The following RGS5 variants were observed in gnomAD, a reference collection of about 807,000 sequenced individuals.
RGS5 encodes regulator of G protein signaling 5, also known as regulator of G-protein signalling 5.
A neutral mutation model predicts 18.9 loss-of-function variants in RGS5; 20 were observed. The ratio of observed to expected loss-of-function variants is 1.06; its 90% CI spans 0.74 to 1.54. The LOEUF (loss-of-function observed/expected upper bound fraction) is 1.54. Ranked by LOEUF, RGS5 falls within the 40% of genes most tolerant of loss-of-function variation. The pLI is 0.00. For synonymous variants in RGS5, 57 were observed against 76.2 expected (o/e 0.75, Z 1.31); for missense variants, 201 against 211.8 (o/e 0.95, Z 0.32).
chr1:163,186,224 C>A (rs1659066985), intron 1 of RGS5, among the ~76,000 whole-genome samples: 1 of 151,742 alleles, frequency 6.6e-6, no homozygotes, highest in African/African-American at 2.4e-5. Context: ...GTGCCCACCA[C>A]CACGCCTGGC....
chr1:163,221,317 G>C (rs1233578649), upstream of RGS5, among the ~76,000 whole-genome samples: 1 of 152,098 alleles, frequency 6.6e-6, no homozygotes, highest in Admixed American at 6.5e-5. Flanking sequence ...GGCCAACGTG[G>C]TGAAACTCCA....
chr1:163,211,006 G>C (rs1660090836), intron 1 of RGS5: 1 of 152,202 alleles, frequency 6.6e-6, no homozygotes, highest in Non-Finnish European at 1.5e-5. Flanking sequence ...CTCAAGCTAA[G>C]AGCATTTAGG....
intron 1 of RGS5, among the ~76,000 whole-genome samples, chr1:163,198,918 C>T (rs1338997881): frequency 6.6e-6 from 1 of 152,204 alleles, no homozygotes; most frequent in East Asian, 1.9e-4. Context: ...GATCCTCCCA[C>T]CTTGGCCTCC....
chr1:163,183,561 A>G (rs1445010399), intron 1 of RGS5, among the ~76,000 whole-genome samples: 1 of 152,236 alleles, frequency 6.6e-6, no homozygotes, highest in Non-Finnish European at 1.5e-5. Context: ...TATGGAGTGC[A>G]TTTTCTGTCC....
At chr1:163,291,467 G>A (rs529082856) in intron 2 of RGS5, among the ~76,000 whole-genome samples, 1 of 152,186 alleles carries the variant, frequency 6.6e-6, no homozygotes, top group Non-Finnish European at 1.5e-5. Context: ...GGAAGGGAGA[G>A]GAGCCAGAAT....
Position 163,283,156 on chromosome 1 carries a change from G to A in RGS5, c.-281+23077C>T, listed in dbSNP as rs11801426. Among the ~76,000 whole-genome samples the A allele has an allele frequency of 4.8e-3, 729 of 152,208 alleles. 4 individuals are homozygous for A. Among genetic ancestry groups the A allele is most frequent in the Admixed American group, 8.1e-3 (123 of 15,278 alleles). On this transcript the variant is annotated intron_variant, in intron 2 of 5. Coordinates refer to the RGS5 transcript ENST00000618415. ...GGAAAATGGGGAGAAAGGAAAGGGGGAGGTTGGTTAATGGCTAACAAGTTA... is the reference window on the plus strand; with the variant it reads ...GGAAAATGGGGAGAAAGGAAAGGGGAAGGTTGGTTAATGGCTAACAAGTTA...
intron 1 of RGS5, among the ~76,000 whole-genome samples, chr1:163,185,674 T>A (rs1659040596): frequency 1.3e-5 from 2 of 152,304 alleles, no homozygotes; most frequent in South Asian, 4.1e-4. Flanking sequence ...CTGTTCTAGA[T>A]CCTTTCTGAG....
rs41272013 is a variant in RGS5 at position 163,305,332 on chromosome 1, C to T, written c.-281+901G>A. ...GTGGTCTCTGTAAGGACAGAGTGCTCACTTTCAGAAGTGTCTAGTCATCCT... is the reference window on the plus strand; with the variant it reads ...GTGGTCTCTGTAAGGACAGAGTGCTTACTTTCAGAAGTGTCTAGTCATCCT... On this transcript the variant is annotated intron_variant, in intron 2 of 5. Coordinates refer to the RGS5 transcript ENST00000618415. The T allele has an allele frequency of 7.3e-3, 1,114 of 152,482 alleles. 9 individuals are homozygous for T. Among genetic ancestry groups the T allele is most frequent in the Non-Finnish European group, 0.012 (785 of 68,134 alleles). 9.4% of individuals were successfully genotyped at this position (152,482 alleles called of 1,614,324 possible).
chr1:163,223,661 A>C (rs1023280693), intron 2 of RGS5, among the ~76,000 whole-genome samples: 1 of 152,206 alleles, frequency 6.6e-6, no homozygotes, highest in South Asian at 2.1e-4. Flanking sequence ...ACTTCCAGCT[A>C]TACTCTAGAG....
chr1:163,150,463 A>T (rs1336405745), intron 4 of RGS5, among the ~76,000 whole-genome samples: 2 of 152,126 alleles, frequency 1.3e-5, no homozygotes, highest in African/African-American at 4.8e-5. Flanking sequence ...AATCCTTTGA[A>T]ATGGGGAAAT....
In RGS5 at chr1:163,168,334, G is replaced by A; in HGVS notation, c.79C>T (p.Leu27Phe). ...KEIKIKLGIL[L>F]QKPDSVGDLV... is the part of the protein sequence containing the mutation. ...TCACCAACTGAGTCTGGCTTCTGGA[G>A]GAGAATTCCCAACTTGATCTTAATC... Residue 27 changes from leucine (L) to phenylalanine (F), a missense_variant, in exon 2 of 5, where the codon CTC becomes TTC. Coordinates refer to ENST00000313961, the MANE Select transcript of RGS5 (RefSeq NM_003617.4). 1 of 1,613,828 alleles carries A rather than the reference G, an allele frequency of 6.2e-7. No individual in the cohort carries two copies. The highest frequency in any genetic ancestry group is 1.3e-5 in the African/African-American group (1 of 74,998).
rs1234982716 is a variant in RGS5, at chr1:163,180,696, T to TG, written c.45-12329_45-12328insC. ...TAAAGCCCTTACCCTGTTTTTTTTT[T>TG]TTTTTTTTTTTTTTTTGAGACGGAG... On this transcript the variant is annotated intron_variant, in intron 1 of 4. Transcript: ENST00000313961. Among the ~76,000 whole-genome samples, 169 of 125,334 alleles carry TG rather than the reference T, an allele frequency of 1.3e-3. 3 individuals are homozygous for TG. Among genetic ancestry groups the TG allele is most frequent in the African/African-American group, 5.2e-3 (161 of 30,714 alleles). 82.2% of individuals were successfully genotyped at this position (125,334 alleles called of 152,430 possible).
chr1:163,257,568 CT>C (rs1302634370), intron 2 of RGS5, among the ~76,000 whole-genome samples: 1 of 152,050 alleles, frequency 6.6e-6, no homozygotes, highest in African/African-American at 2.4e-5. Context: ...GTTTTATGTT[CT>C]CTTTTGTATC....
In RGS5 at chr1:163,276,057, C is replaced by T. The variant is rs190075369; in HGVS notation, c.-281+30176G>A. 7.9e-5 allele frequency among the ~76,000 whole-genome samples: 12 copies of T among 152,072 alleles called. 1 individual carries two copies. Among genetic ancestry groups the T allele is most frequent in the South Asian group, 4.2e-4 (2 of 4,814 alleles). On this transcript the variant is annotated intron_variant, in intron 2 of 5. Coordinates refer to the RGS5 transcript ENST00000618415. ...TTGCCCAAGCTGGAGTACAATGGCG[C>T]GATCTTGGCTCACTGCAACCTTCAC... is the stretch of plus-strand genomic sequence containing the variant.
chr1:163,222,062 T>C (rs1647238629), upstream of RGS5, among the ~76,000 whole-genome samples: 1 of 152,184 alleles, frequency 6.6e-6, no homozygotes, highest in African/African-American at 2.4e-5. Flanking sequence ...TTTCAATTTT[T>C]TATTCAGGAA....
At chr1:163,154,719 T>C (rs1657516333) in intron 3 of RGS5, among the ~76,000 whole-genome samples, 1 of 151,986 alleles carries the variant, frequency 6.6e-6, no homozygotes, top group African/African-American at 2.4e-5. Flanking sequence ...ACTATTTGTC[T>C]TAACTTAGTG....
intron 2 of RGS5, among the ~76,000 whole-genome samples, chr1:163,245,898 T>C (rs984604093): frequency 1.3e-5 from 2 of 152,206 alleles, no homozygotes; most frequent in African/African-American, 4.8e-5. Flanking sequence ...TGGCCATCAA[T>C]TAAAAACAAG....
At chr1:163,161,501 A>G (rs1657795433) in intron 3 of RGS5, among the ~76,000 whole-genome samples, 1 of 152,208 alleles carries the variant, frequency 6.6e-6, no homozygotes, top group Non-Finnish European at 1.5e-5. Context: ...AGTTTGAACC[A>G]GGATGTACTA....
intron 2 of RGS5, among the ~76,000 whole-genome samples, chr1:163,240,766 C>T (rs1342542674): frequency 6.6e-6 from 1 of 152,200 alleles, no homozygotes; most frequent in Non-Finnish European, 1.5e-5. Context: ...ATCCTCCAGC[C>T]TCTGCCTTTC....
Sources: allele counts gnomAD v4.1 joint callset (sites outside exome capture counted in the v4.1 genomes callset), GRCh38; gene constraint gnomAD v4.1.1; transcripts MANE v1.5; gene names NCBI Gene and HGNC (gene_info 2026-07-23, HGNC 2026-07-21).